CBL: variants seen among roughly 807,000 people sequenced by gnomAD.
CBL encodes the protein E3 ubiquitin-protein ligase CBL.
A neutral mutation model predicts 96.9 loss-of-function variants in CBL; 45 were observed. The ratio of observed to expected loss-of-function variants is 0.46; its 90% confidence interval spans 0.37 to 0.60. The LOEUF is 0.60. Among genes scored for constraint, CBL ranks in the 20% least tolerant of loss-of-function variants. CBL has a pLI of 0.00. For missense variants in CBL, 1,024 were observed against 1,143.5 expected (o/e 0.90, Z 1.51); for synonymous variants, 420 against 426.8 (o/e 0.98, Z 0.20).
Position 119,301,930 on chromosome 11 carries a change from A to G in CBL, c.*2149A>G, listed in dbSNP as rs1041740042. 6 of 232,994 alleles carry G rather than the reference A, an allele frequency of 2.6e-5. No homozygotes were observed. The highest frequency in any genetic ancestry group is 1.8e-4 in the South Asian group (1 of 5,534). The allele number at this position is 232,994 out of a possible 1,614,324, so 14.4% of individuals were successfully genotyped here. A position where few individuals can be genotyped will look rare whatever the true frequency, so the allele number is the denominator to read the frequency against. ...AAAAAAGCAGTTTCCAGGCCCATCC[A>G]TATTGTAATTTTTCTTTATCTGCAG... On this transcript the variant is annotated 3_prime_UTR_variant, in exon 16 of 16. Transcript: ENST00000264033.
At position 119,303,576 on chromosome 11, in the gene CBL, A is replaced by T. The variant is rs1950115490; in HGVS notation, c.*3795A>T. On this transcript the variant is annotated 3_prime_UTR_variant, in exon 16 of 16. Transcript: ENST00000264033. ...CTTCCATGTAGACTTACCTTTCCTC[A>T]TAGAGCTATCCTGGTTAATAACAGG... The T allele has an allele frequency of 4.3e-6, 1 of 233,694 alleles. No individual in the cohort carries two copies. Among genetic ancestry groups the T allele is most frequent in the East Asian group, 6.0e-5 (1 of 16,594 alleles). The allele number at this position is 233,694 out of a possible 1,614,324, so 14.5% of individuals were successfully genotyped here. A position where few individuals can be genotyped will look rare whatever the true frequency, so the allele number is the denominator to read the frequency against.
chr11:119,241,728 AT>A (rs747812905), intron 2 of CBL, among the ~76,000 whole-genome samples: 20 of 152,134 alleles, frequency 1.3e-4, no homozygotes, highest in Non-Finnish European at 2.2e-4. Flanking sequence ...GTGGGAAGAG[AT>A]TTTCACTTAG....
chr11:119,210,516 A>G (rs1317150903), intron 1 of CBL, among the ~76,000 whole-genome samples: 1 of 149,764 alleles, frequency 6.7e-6, no homozygotes, highest in African/African-American at 2.5e-5. Context: ...TGTTTCCTCT[A>G]CCTCCCAGGT....
chr11:119,239,537 G>A lies in CBL; in HGVS notation c.443+6842G>A, dbSNP rs552261184. Among the ~76,000 whole-genome samples the A allele has an allele frequency of 5.9e-5, 9 of 152,262 alleles. No homozygotes were observed. The South Asian group carries it at 1.9e-3, about 32-fold the overall frequency. ...TCCTAGATACCAGATCATGTCACAT[G>A]CAATTAGAGGTAGTTTTACTTCTTC... On this transcript the variant is annotated intron_variant, in intron 2 of 15. Transcript: ENST00000264033.
At chr11:119,283,850 G>A (rs890492623) in intron 9 of CBL, among the ~76,000 whole-genome samples, 1 of 151,538 alleles carries the variant, frequency 6.6e-6, no homozygotes, top group Admixed American at 6.6e-5. Context: ...TGTTAGCCAA[G>A]ATGGTCTCGA....
At chr11:119,230,388 C>T (rs935413265) in intron 1 of CBL, among the ~76,000 whole-genome samples, 3 of 152,124 alleles carry the variant, frequency 2.0e-5, no homozygotes, top group Admixed American at 6.5e-5. Context: ...GATCCGCCCG[C>T]CTCAGCCTCC....
At chr11:119,258,703 G>A (rs1949730466) in intron 2 of CBL, among the ~76,000 whole-genome samples, 1 of 152,066 alleles carries the variant, frequency 6.6e-6, no homozygotes, top group African/African-American at 2.4e-5. Context: ...TTTGATGTTG[G>A]GTAATGTCAT....
intron 1 of CBL, 75 bp downstream of exon 1, chr11:119,206,687 C>A: frequency 9.1e-7 from 1 of 1,099,264 alleles, no homozygotes; most frequent in Non-Finnish European, 1.2e-6. Context: ...AACGAGCGGA[C>A]GGAGGAAGCG....
chr11:119,209,142 T>G (rs1949297591), intron 1 of CBL, among the ~76,000 whole-genome samples: 1 of 152,246 alleles, frequency 6.6e-6, no homozygotes, highest in African/African-American at 2.4e-5. Flanking sequence ...ACCTCTGTGA[T>G]GTTACTAGAT....
chr11:119,257,066 T>C (rs181159943), intron 2 of CBL, among the ~76,000 whole-genome samples: 5 of 152,352 alleles, frequency 3.3e-5, no homozygotes, highest in Non-Finnish European at 2.9e-5. Context: ...CAGTGACTTA[T>C]TTTCCTTTAG....
In CBL at chr11:119,278,302, G is replaced by A. The variant is rs756550704; in HGVS notation, c.1227+5G>A. 2.6e-5 allele frequency: 42 copies of A among 1,613,776 alleles called. No homozygotes were observed. In the South Asian group the frequency reaches 2.6e-4, roughly 10 times the overall value. On this transcript the variant is annotated splice_donor_5th_base_variant and intron_variant, in intron 8 of 15. Transcript: ENST00000264033. ...TCCTGTCTTACATCCTGGCAGGTAC[G>A]GATCTAAACAGCGACTTTTTTCAGC... is the stretch of plus-strand genomic sequence containing the variant.
chr11:119,250,657 T>G (rs780065427), intron 2 of CBL, among the ~76,000 whole-genome samples: 1 of 152,214 alleles, frequency 6.6e-6, no homozygotes, highest in Non-Finnish European at 1.5e-5. Flanking sequence ...GTGTCCAGTT[T>G]GTGAAAATTA....
intron 2 of CBL, among the ~76,000 whole-genome samples, chr11:119,238,099 T>G (rs567825610): frequency 1.3e-5 from 2 of 152,200 alleles, no homozygotes; most frequent in South Asian, 2.1e-4. Flanking sequence ...CTTGAACTCC[T>G]GACCTCAAGT....
chr11:119,224,768 A>G (rs935549642), intron 1 of CBL, among the ~76,000 whole-genome samples: 1 of 151,766 alleles, frequency 6.6e-6, no homozygotes. Flanking sequence ...GGAGGATAAA[A>G]TATTTACGAT....
intron 2 of CBL, among the ~76,000 whole-genome samples, chr11:119,270,949 A>T (rs902584486): frequency 6.6e-6 from 1 of 152,208 alleles, no homozygotes; most frequent in Admixed American, 6.5e-5. Context: ...TGTTAACAGT[A>T]GCATATGCAC....
In CBL at chr11:119,280,584, G is replaced by A. The variant is rs1949925628; in HGVS notation, c.1431+1871G>A. Reference sequence around the variant, plus strand: ...TATACTGAATCTACTTATAGTTGGTGAATGCACATGGATTTTTTTTAAGGT... The same window carrying A: ...TATACTGAATCTACTTATAGTTGGTAAATGCACATGGATTTTTTTTAAGGT... On this transcript the variant is annotated intron_variant, in intron 9 of 15. Transcript: ENST00000264033. 2.0e-5 allele frequency among the ~76,000 whole-genome samples: 3 copies of A among 152,098 alleles called. No individual in the cohort carries two copies. The South Asian group carries it at 6.2e-4, about 32-fold the overall frequency.
At chr11:119,235,904 G>C (rs1468227199) in intron 2 of CBL, among the ~76,000 whole-genome samples, 5 of 151,870 alleles carry the variant, frequency 3.3e-5, no homozygotes, top group South Asian at 2.1e-4. Flanking sequence ...AGAGTAAACA[G>C]ATTTCAAGTG....
chr11:119,228,055 ACT>A (rs1278191257), intron 1 of CBL, among the ~76,000 whole-genome samples: 1 of 145,940 alleles, frequency 6.9e-6, no homozygotes, highest in Non-Finnish European at 1.5e-5. Context: ...ACCTATGCTC[ACT>A]CTTTTTTTTT....
rs1459561101 is a variant in CBL, at chr11:119,305,273, C to T, written c.*5492C>T. 1.3e-5 allele frequency: 3 copies of T among 232,050 alleles called. No individual in the cohort carries two copies. Among genetic ancestry groups the T allele is most frequent in the African/African-American group, 6.6e-5 (3 of 45,266 alleles). The allele number at this position is 232,050 out of a possible 1,614,324, so 14.4% of individuals were successfully genotyped here. On this transcript the variant is annotated 3_prime_UTR_variant, in exon 16 of 16. Coordinates refer to ENST00000264033, the MANE Select transcript of CBL (RefSeq NM_005188.4). ...TCTTCGCATCCAAGATTTCTTCCCT[C>T]CCTCTTGTGGGCCAGCCTGTCCTGT...
Sources: allele counts gnomAD v4.1 joint callset (sites outside exome capture counted in the v4.1 genomes callset), GRCh38; gene constraint gnomAD v4.1.1; transcripts MANE v1.5; gene names NCBI Gene and HGNC (gene_info 2026-07-23, HGNC 2026-07-21).